HAS1: variants seen among roughly 807,000 people sequenced by gnomAD.
HAS1 encodes the protein HA synthase 1.
In HAS1, 27 loss-of-function variants were observed where a neutral mutation model predicts 35.0. The ratio of observed to expected loss-of-function variants is 0.77; its 90% confidence interval spans 0.57 to 1.06. The LOEUF (loss-of-function observed/expected upper bound fraction) is 1.06. Among genes scored for constraint, HAS1 ranks in the 50% least tolerant of loss-of-function variants. The pLI is 0.00. For synonymous variants in HAS1, 409 were observed against 371.2 expected (o/e 1.10, Z -1.17); for missense variants, 940 against 814.8 (o/e 1.15, Z -1.87).
At chr19:51,719,937 G>A (rs1223019395) in intron 1 of HAS1, 42 bp from the exon 2 acceptor site, 6 of 1,318,244 alleles carry the variant, frequency 4.6e-6, no homozygotes, top group Non-Finnish European at 6.2e-6. Context: ...ATGAGTCCCG[G>A]GCGCATGAGC....
chr19:51,719,702 G>A lies in HAS1; in HGVS notation c.203C>T (p.Ala68Val). Residue 68 changes from alanine (A) to valine (V), a missense_variant, in exon 2 of 5, where the codon GCG becomes GTG. Physicochemically the swap from Ala to Val is moderately conservative, Grantham distance 64. Transcript: ENST00000540069. ...YGAFLSAHLV[A>V]QSLFAYLEHR... ...CTCCAGGTACGCGAAGAGGCTCTGC[G>A]CCACCAGGTGCGCTGAAAGGAAGGC... 2 of 1,563,408 alleles carry A rather than the reference G, an allele frequency of 1.3e-6. No individual in the cohort carries two copies. The highest frequency in any genetic ancestry group is 2.3e-5 in the South Asian group (2 of 85,472).
rs762776728 is a variant in HAS1, at chr19:51,717,046, G to T, written c.847C>A (p.Arg283=). 8.7e-6 allele frequency: 14 copies of T among 1,613,844 alleles called. No homozygotes were observed. Among genetic ancestry groups the T allele is most frequent in the Admixed American group, 1.7e-5 (1 of 59,998 alleles). The change falls in exon 3 of 5, where the codon CGA becomes AGA. Residue 283 remains arginine, a synonymous_variant. Transcript: ENST00000540069. ...TCCACATTGAAGGCTACCCAGTATC[G>T]CAGGCTGCTTAGGAAGCTGACCCAG... ...DSWVSFLSSL[R]YWVAFNVERA...
At chr19:51,716,921 C>G in intron 3 of HAS1, 47 bp downstream of exon 3, 1 of 1,311,184 alleles carries the variant, frequency 7.6e-7, no homozygotes, top group Non-Finnish European at 1.1e-6. Flanking sequence ...CTTCCCTTCT[C>G]CCTTTCCACC....
intron 1 of HAS1, among the ~76,000 whole-genome samples, chr19:51,723,621 G>C (rs775723153): frequency 2.0e-5 from 3 of 151,956 alleles, no homozygotes; most frequent in Non-Finnish European, 2.9e-5. Context: ...GCCTCCCAGG[G>C]AACATAGACA....
chr19:51,723,884 TAC>T (rs58597876), intron 1 of HAS1, 39 bp downstream of exon 1: 61,587 of 1,210,228 alleles, frequency 0.051, 87 homozygotes, highest in Non-Finnish European at 0.055. Context: ...CATGGCTGTA[TAC>T]ACACACACAC....
In HAS1 at chr19:51,714,695, T is replaced by TAAAAAAAAAAAAAAAA. The variant is rs148154630; in HGVS notation, c.1059-594_1059-593insTTTTTTTTTTTTTTTT. Among the ~76,000 whole-genome samples, 20 of 95,778 alleles carry TAAAAAAAAAAAAAAAA rather than the reference T, an allele frequency of 2.1e-4. 2 individuals are homozygous for TAAAAAAAAAAAAAAAA. The highest frequency in any genetic ancestry group is 3.7e-4 in the Admixed American group (3 of 8,148). 62.8% of individuals were successfully genotyped at this position (95,778 alleles called of 152,430 possible). On this transcript the variant is annotated intron_variant, in intron 4 of 4. Coordinates refer to ENST00000540069, the MANE Select transcript of HAS1 (RefSeq NM_001297436.2). ...CTGAGCAACACAGCAAGACTCTATC[T>TAAAAAAAAAAAAAAAA]AAGAAAAAAAAAAAGGCTCTCATAA...
intron 1 of HAS1, among the ~76,000 whole-genome samples, chr19:51,721,471 A>T (rs369967346): frequency 6.6e-6 from 1 of 152,056 alleles, no homozygotes; most frequent in African/African-American, 2.4e-5. Flanking sequence ...TATATATATA[A>T]ATTTTTTTTT....
intron 2 of HAS1, 33 bp downstream of exon 2, chr19:51,719,173 G>A: frequency 7.2e-7 from 1 of 1,386,016 alleles, no homozygotes; most frequent in Admixed American, 2.4e-5. Flanking sequence ...TGGGTGTTCG[G>A]GTCACGAGTG....
Position 51,713,681 on chromosome 19 carries a change from TCCGCCGGCC to T in HAS1, c.1471_1479del (p.Gly491_Arg493del), listed in dbSNP as rs2083558603. The T allele has an allele frequency of 6.3e-7, 1 of 1,587,052 alleles. No individual in the cohort carries two copies. The highest frequency in any genetic ancestry group is 8.6e-7 in the Non-Finnish European group (1 of 1,168,254). On this transcript the variant is annotated inframe_deletion, in exon 5 of 5. Transcript: ENST00000540069. The surrounding 1 kb of genome is among the most constrained non-coding windows in gnomAD (Gnocchi z 4.5). Reference sequence around the variant, plus strand: ...AGAGGGACGTAGTTAGCGGCCAGCTTCCGCCGGCCCGAGGTGCCCCAGCCACTCTGGTTC... The same window carrying T: ...AGAGGGACGTAGTTAGCGGCCAGCTTCGAGGTGCCCCAGCCACTCTGGTTC...
At chr19:51,716,209 T>C in intron 4 of HAS1, 47 bp downstream of exon 4, 1 of 1,547,666 alleles carries the variant, frequency 6.5e-7, no homozygotes. Context: ...CGCTAGGATA[T>C]TCATTGGCCT....
rs755573585 is a variant in HAS1 at position 51,713,994 on chromosome 19, G to A, written c.1167C>T (p.Asn389=). The change falls in exon 5 of 5, where the codon AAC becomes AAT. Residue 389 remains asparagine, a synonymous_variant. Transcript: ENST00000540069. This position sits in a 1 kb window ranked among gnomAD's most constrained non-coding sequence, Gnocchi z 4.5. ...SKSYFREWLY[N]ALWWHRHHAW... ...CATGGTGCCGGTGCCACCAGAGCGC[G>A]TTGTACAGCCACTCACGGAAGTACG... 14 of 1,613,704 alleles carry A rather than the reference G, an allele frequency of 8.7e-6. No individual in the cohort carries two copies. The highest frequency in any genetic ancestry group is 1.7e-5 in the Admixed American group (1 of 59,998).
In HAS1 at chr19:51,713,794, C is replaced by T. The variant is rs1354147152; in HGVS notation, c.1367G>A (p.Arg456His). The T allele has an allele frequency of 4.4e-6, 7 of 1,605,008 alleles. No homozygotes were observed. Among genetic ancestry groups the T allele is most frequent in the African/African-American group, 4.0e-5 (3 of 74,746 alleles). The change falls in exon 5 of 5, where the codon CGC (arginine) becomes CAC (histidine). Residue 456 changes from arginine to histidine, a missense_variant. Physicochemically the swap from Arg to His is conservative, Grantham distance 29. Coordinates refer to ENST00000540069, the MANE Select transcript of HAS1 (RefSeq NM_001297436.2). This position sits in a 1 kb window ranked among gnomAD's most constrained non-coding sequence, Gnocchi z 4.5. ...AFAAWLRGCL[R>H]MVLLSLYAPL... ...CGCGTAGAGCGACAGAAGCACCATG[C>T]GCAGGCAGCCCCGCAGCCAGGCCGC...
In HAS1 at chr19:51,719,689, G is replaced by A; in HGVS notation, c.216C>T (p.Phe72=). The A allele has an allele frequency of 1.3e-6, 2 of 1,559,488 alleles. No individual in the cohort carries two copies. The highest frequency in any genetic ancestry group is 1.4e-5 in the African/African-American group (1 of 73,372). Residue 72 remains phenylalanine (F), a synonymous_variant, in exon 2 of 5, where the codon TTC becomes TTT. Transcript: ENST00000540069. ...CCACCCGCCGGTGCTCCAGGTACGC[G>A]AAGAGGCTCTGCGCCACCAGGTGCG... The part of the protein sequence containing the change: ...LSAHLVAQSL[F]AYLEHRRVAA...
chr19:51,719,108 G>GGA (rs2083605082), intron 2 of HAS1, 98 bp downstream of exon 2: 1 of 687,310 alleles, frequency 1.5e-6, no homozygotes, highest in Non-Finnish European at 2.4e-6. Flanking sequence ...ATAAAGAAAG[G>GGA]GAGAGAGTCA....
chr19:51,719,785 G>T lies in HAS1; in HGVS notation c.120C>A (p.Ala40=). Residue 40 remains alanine, a synonymous_variant, in exon 2 of 5, where the codon GCC becomes GCA. Coordinates refer to ENST00000540069, the MANE Select transcript of HAS1 (RefSeq NM_001297436.2). ...LILGLMTWAY[A]AGVPLASDRY... ...GATCGGAGGCCAGCGGCACCCCGGC[G>T]GCGTAGGCCCAGGTCATGAGGCCCA... 1 of 1,560,540 alleles carries T rather than the reference G, an allele frequency of 6.4e-7. No individual in the cohort carries two copies. The highest frequency in any genetic ancestry group is 2.4e-5 in the East Asian group (1 of 42,060).
In HAS1 at chr19:51,716,161, A is replaced by T. The variant is rs903192746; in HGVS notation, c.1058+95T>A. On this transcript the variant is annotated intron_variant, in intron 4 of 4. Coordinates refer to ENST00000540069, the MANE Select transcript of HAS1 (RefSeq NM_001297436.2). ...ACTTGATAGAGCCCATTGTCTGGTG[A>T]GTTACTTTGGATTTGGAGAACTCTC... The T allele has an allele frequency of 2.8e-6, 3 of 1,079,128 alleles. 1 individual carries two copies. Among genetic ancestry groups the T allele is most frequent in the Middle Eastern group, 4.2e-4 (2 of 4,780 alleles). The allele number at this position is 1,079,128 out of a possible 1,614,324, so 66.8% of individuals were successfully genotyped here. A position where few individuals can be genotyped will look rare whatever the true frequency, so the allele number is the denominator to read the frequency against.
chr19:51,723,187 C>G (rs1262454119), intron 1 of HAS1, among the ~76,000 whole-genome samples: 1 of 152,162 alleles, frequency 6.6e-6, no homozygotes, highest in Non-Finnish European at 1.5e-5. Context: ...TGAAATTACT[C>G]GTGTTCTACA....
At chr19:51,720,879 T>C (rs1314124048) in intron 1 of HAS1, among the ~76,000 whole-genome samples, 1 of 152,232 alleles carries the variant, frequency 6.6e-6, no homozygotes, top group Non-Finnish European at 1.5e-5. Context: ...TCCTCTTTCT[T>C]AGTGGCACAT....
chr19:51,723,957 C>T lies in HAS1; in HGVS notation c.-24G>A. 1.9e-6 allele frequency: 3 copies of T among 1,539,080 alleles called. No homozygotes were observed. The highest frequency in any genetic ancestry group is 2.6e-6 in the Non-Finnish European group (3 of 1,146,390). ...ATCGCAGTGGGTCTGGCCGGGCTCT[C>T]TCTTCTCTCCGGCTTGCTCTCCCAG... On this transcript the variant is annotated 5_prime_UTR_variant, in exon 1 of 5. Transcript: ENST00000540069.
Sources: allele counts gnomAD v4.1 joint callset (sites outside exome capture counted in the v4.1 genomes callset), GRCh38; gene constraint gnomAD v4.1.1; non-coding constraint Gnocchi (gnomAD v3.1); transcripts MANE v1.5; gene names NCBI Gene and HGNC (gene_info 2026-07-23, HGNC 2026-07-21).